OSTC: variants seen among roughly 807,000 people sequenced by gnomAD.
The protein encoded by OSTC is oligosaccharyltransferase complex subunit OSTC.
A neutral mutation model predicts 16.4 loss-of-function variants in OSTC; 16 were observed. That is an observed-to-expected ratio of 0.98 (90% CI 0.66 to 1.49). The LOEUF (loss-of-function observed/expected upper bound fraction) is 1.49, where lower values mean the gene tolerates loss of function less well. OSTC is among the 40% of genes most tolerant of loss of function. The probability of loss-of-function intolerance (pLI) is 0.00; values close to 1 mark genes in which losing one functional copy is unlikely to be tolerated. For synonymous variants in OSTC, 67 were observed against 68.5 expected, an observed-to-expected ratio of 0.98 and a Z score of 0.11; for missense variants, 139 against 186.3, an observed-to-expected ratio of 0.75 and a Z score of 1.48.
chr4:108,651,905 A>G (rs146099101), intron 1 of OSTC, among the ~76,000 whole-genome samples: 184 of 152,312 alleles, frequency 1.2e-3, no homozygotes, highest in African/African-American at 4.0e-3. Flanking sequence ...CCTTCCCCCA[A>G]TCTAGAATAG....
At chr4:108,663,745 T>A (rs1471507389) in intron 3 of OSTC, among the ~76,000 whole-genome samples, 1 of 152,204 alleles carries the variant, frequency 6.6e-6, no homozygotes. Flanking sequence ...CAATAATGAA[T>A]GTGGTAGTGT....
At chr4:108,657,144 A>G (rs1726729725) in intron 2 of OSTC, among the ~76,000 whole-genome samples, 1 of 152,092 alleles carries the variant, frequency 6.6e-6, no homozygotes, top group African/African-American at 2.4e-5. Context: ...TTACATAAAC[A>G]GTTGTGTTAG....
intron 3 of OSTC, among the ~76,000 whole-genome samples, chr4:108,663,497 C>G (rs1309541969): frequency 1.3e-5 from 2 of 152,172 alleles, no homozygotes; most frequent in Non-Finnish European, 2.9e-5. Flanking sequence ...GCCAAGGTGC[C>G]CAGCCTGAAT....
intron 3 of OSTC, chr4:108,663,273 G>A (rs143647501): frequency 3.7e-4 from 166 of 452,648 alleles, no homozygotes; most frequent in African/African-American, 2.6e-3. Flanking sequence ...GTGCAGTGGC[G>A]TGATCTCGGC....
At chr4:108,651,714 A>ATAAAATTAAAG (rs1219769332) in intron 1 of OSTC, among the ~76,000 whole-genome samples, 1 of 152,218 alleles carries the variant, frequency 6.6e-6, no homozygotes, top group Non-Finnish European at 1.5e-5. Flanking sequence ...GAAGTGGTGT[A>ATAAAATTAAAG]CTTAACCTGG....
intron 2 of OSTC, 81 bp downstream of exon 2, chr4:108,655,738 AACCT>A: frequency 2.0e-6 from 2 of 980,762 alleles, no homozygotes; most frequent in South Asian, 2.9e-5. Context: ...AATAGAGTAA[AACCT>A]ATGGGATCCA....
chr4:108,665,351 A>T (rs1281806917), intron 3 of OSTC, among the ~76,000 whole-genome samples: 3 of 151,210 alleles, frequency 2.0e-5, no homozygotes, highest in South Asian at 2.1e-4. Context: ...GAGGAAACTG[A>T]GTGAGGTTTG....
At chr4:108,657,318 A>G in intron 2 of OSTC, 132 bp from the exon 3 acceptor site, 1 of 748,380 alleles carries the variant, frequency 1.3e-6, no homozygotes, top group South Asian at 1.9e-5. Context: ...GAGGTATAGT[A>G]AAATAGTTGT....
chr4:108,662,234 A>G (rs1329947478), intron 3 of OSTC, among the ~76,000 whole-genome samples: 1 of 152,252 alleles, frequency 6.6e-6, no homozygotes, highest in East Asian at 1.9e-4. Flanking sequence ...AAAGGAATAA[A>G]AAATATGAAT....
intron 3 of OSTC, among the ~76,000 whole-genome samples, chr4:108,666,581 G>T (rs1211613180): frequency 6.6e-6 from 1 of 151,796 alleles, no homozygotes; most frequent in Non-Finnish European, 1.5e-5. Context: ...CGTGGTGGCG[G>T]TCACCTGTAA....
At chr4:108,660,074 C>T (rs1000349841) in intron 3 of OSTC, among the ~76,000 whole-genome samples, 1 of 152,198 alleles carries the variant, frequency 6.6e-6, no homozygotes, top group Non-Finnish European at 1.5e-5. Flanking sequence ...GGATTACCTT[C>T]ATCTTACTTT....
chr4:108,650,693 A>C lies in OSTC; in HGVS notation c.38A>C (p.Glu13Ala), dbSNP rs1309318784. The change falls in exon 1 of 4, where the codon GAA becomes GCA. Residue 13 changes from glutamate (E) to alanine (A), a missense_variant. By Grantham distance (107) the Glu-to-Ala change is moderately radical. Coordinates refer to ENST00000361564, the MANE Select transcript of OSTC (RefSeq NM_021227.4). ...TLYRVPFLVL[E>A]CPNLKLKKPP... Reference sequence around the variant, plus strand: ...TACCGTGTCCCGTTCTTAGTGCTCGAATGTCCCAACCTGAAGCTGAAGAAG... The same window carrying C: ...TACCGTGTCCCGTTCTTAGTGCTCGCATGTCCCAACCTGAAGCTGAAGAAG... 1.9e-6 allele frequency: 3 copies of C among 1,614,054 alleles called. No homozygotes were observed. The highest frequency in any genetic ancestry group is 2.7e-5 in the African/African-American group (2 of 74,936).
In OSTC at chr4:108,657,009, G is replaced by A. The variant is rs149682709; in HGVS notation, c.234-441G>A. On this transcript the variant is annotated intron_variant, in intron 2 of 3. Transcript: ENST00000361564. The stretch of plus-strand genomic sequence containing the variant: ...AGCGATCTGGGAGGTGGAGGTTGCA[G>A]TGAGCCGAGATCGTGCCACAGCACT... 5.8e-3 allele frequency among the ~76,000 whole-genome samples: 888 copies of A among 151,918 alleles called. 6 individuals carry two copies. The highest frequency in any genetic ancestry group is 0.01 in the Admixed American group (153 of 15,264).
At chr4:108,652,011 A>G (rs1726566891) in intron 1 of OSTC, 1 of 152,256 alleles carries the variant, frequency 6.6e-6, no homozygotes, top group African/African-American at 2.4e-5. Context: ...CTAGCATTGC[A>G]TTAGCATTAA....
chr4:108,654,778 A>G (rs1278532526), intron 1 of OSTC, among the ~76,000 whole-genome samples: 1 of 152,240 alleles, frequency 6.6e-6, no homozygotes, highest in Admixed American at 6.5e-5. Context: ...TTATGACATA[A>G]TGGTGGACAT....
chr4:108,664,893 A>G (rs771225409), intron 3 of OSTC, among the ~76,000 whole-genome samples: 3 of 152,116 alleles, frequency 2.0e-5, no homozygotes, highest in Non-Finnish European at 2.9e-5. Flanking sequence ...TGCCCAGCCA[A>G]ACCTTTTTAT....
chr4:108,654,413 A>G (rs1257939751), intron 1 of OSTC, among the ~76,000 whole-genome samples: 1 of 152,036 alleles, frequency 6.6e-6, no homozygotes, highest in Non-Finnish European at 1.5e-5. Context: ...AGGAGAGAGG[A>G]GAGATATCCA....
intron 1 of OSTC, among the ~76,000 whole-genome samples, chr4:108,654,691 T>C (rs1182339937): frequency 6.6e-6 from 1 of 152,140 alleles, no homozygotes; most frequent in Admixed American, 6.5e-5. Flanking sequence ...GTGGAGAAGG[T>C]AGAGTAGATG....
chr4:108,659,122 G>T (rs1578340217), intron 3 of OSTC, among the ~76,000 whole-genome samples: 1 of 8,498 alleles, frequency 1.2e-4, no homozygotes, highest in Non-Finnish European at 2.2e-4. Context: ...GGGATTACAG[G>T]CGCCCGCCAC....
Sources: allele counts gnomAD v4.1 joint callset (sites outside exome capture counted in the v4.1 genomes callset), GRCh38; gene constraint gnomAD v4.1.1; transcripts MANE v1.5; gene names NCBI Gene and HGNC (gene_info 2026-07-23, HGNC 2026-07-21).